Variants in TNRC6B observed in about 807,000 individuals in gnomAD.
TNRC6B encodes trinucleotide repeat containing adaptor 6B.
In TNRC6B, 52 loss-of-function variants were observed where a neutral mutation model predicts 203.6. The observed-to-expected ratio is 0.26, with a 90% CI of 0.20 to 0.32. The LOEUF is 0.32. Among genes scored for constraint, TNRC6B ranks in the 10% least tolerant of loss-of-function variants. The pLI, the probability that TNRC6B is intolerant of heterozygous loss-of-function variation, is 1.00. For missense variants in TNRC6B, 1,923 were observed against 2,286.2 expected (o/e 0.84, Z 3.24); for synonymous variants, 838 against 845.7 (o/e 0.99, Z 0.16).
chr22:40,228,048 G>A (rs1458904029), intron 1 of TNRC6B, among the ~76,000 whole-genome samples: 2 of 152,212 alleles, frequency 1.3e-5, no homozygotes, highest in East Asian at 3.8e-4. Flanking sequence ...GTCAAGTGCT[G>A]ACGGTAGAGT....
intron 1 of TNRC6B, chr22:40,106,942 C>T: frequency 9.0e-7 from 1 of 1,112,082 alleles, no homozygotes; most frequent in Non-Finnish European, 1.4e-6. Context: ...CCCTTTGAAG[C>T]ATCTTTTGGG....
intron 1 of TNRC6B, among the ~76,000 whole-genome samples, chr22:40,077,582 G>C (rs1044791583): frequency 1.3e-5 from 2 of 152,052 alleles, no homozygotes; most frequent in African/African-American, 4.8e-5. Context: ...TGGGCTACAA[G>C]CAGTTTTTCA....
At chr22:40,208,786 A>T (rs570637619) in intron 1 of TNRC6B, among the ~76,000 whole-genome samples, 1 of 152,356 alleles carries the variant, frequency 6.6e-6, no homozygotes, top group African/African-American at 2.4e-5. Context: ...AAATAACACA[A>T]ATGTCATCTC....
At chr22:40,211,935 C>G (rs967028776) in intron 1 of TNRC6B, among the ~76,000 whole-genome samples, 1 of 152,178 alleles carries the variant, frequency 6.6e-6, no homozygotes, top group Non-Finnish European at 1.5e-5. Context: ...TCTTTCCTTT[C>G]GTCTGTCTCT....
rs373643777 is a variant in TNRC6B at position 40,277,242 on chromosome 22, A to G, written c.3216+91A>G. ...TTAAGACAACTGCCACATATAGTAC[A>G]AAATTAAAGATTTAAAAACTAGTTA... On this transcript the variant is annotated intron_variant, in intron 8 of 22. Coordinates refer to ENST00000454349, the MANE Select transcript of TNRC6B (RefSeq NM_001162501.2). The G allele has an allele frequency of 1.8e-5, 16 of 880,244 alleles. No individual in the cohort carries two copies. In the East Asian group the frequency reaches 2.3e-4, roughly 13 times the overall value. The allele number at this position is 880,244 out of a possible 1,614,324, so 54.5% of individuals were successfully genotyped here. A position where few individuals can be genotyped will look rare whatever the true frequency, so the allele number is the denominator to read the frequency against.
At chr22:40,196,931 T>C (rs992413160) in intron 1 of TNRC6B, among the ~76,000 whole-genome samples, 1 of 152,082 alleles carries the variant, frequency 6.6e-6, no homozygotes, top group Non-Finnish European at 1.5e-5. Context: ...ATGTGGAGGA[T>C]GGTTTTATCT....
intron 1 of TNRC6B, among the ~76,000 whole-genome samples, chr22:40,089,132 C>T (rs1569256365): frequency 6.6e-6 from 1 of 152,050 alleles, no homozygotes; most frequent in Non-Finnish European, 1.5e-5. Flanking sequence ...TTATAATTTC[C>T]ACTGTTTTGA....
chr22:40,199,686 C>T (rs931479259), intron 1 of TNRC6B, among the ~76,000 whole-genome samples: 35 of 152,040 alleles, frequency 2.3e-4, no homozygotes, highest in African/African-American at 3.9e-4. Context: ...GGACAGGTGA[C>T]GAAGCTTACA....
chr22:40,300,453 A>G lies in TNRC6B; in HGVS notation c.3709-2A>G. 1 of 1,544,556 alleles carries G rather than the reference A, an allele frequency of 6.5e-7. No homozygotes were observed. The highest frequency in any genetic ancestry group is 8.7e-7 in the Non-Finnish European group (1 of 1,154,014). On this transcript the variant is annotated splice_acceptor_variant, in intron 12 of 22. Transcript: ENST00000454349. LOFTEE classifies it high-confidence loss of function. ...TTCTTTCTTTTTTATTTTTTTGGCT[A>G]GGTTTCTGCCTCAATGCTCAAGCAG...
rs185990652 is a variant in TNRC6B at position 40,275,350 on chromosome 22, C to G, written c.3142-1727C>G. On this transcript the variant is annotated intron_variant, in intron 7 of 22. Coordinates refer to ENST00000454349, the MANE Select transcript of TNRC6B (RefSeq NM_001162501.2). Reference sequence around the variant, plus strand: ...GATTGAAAGGGACTAATAAATACCTCTCTAGGTTGACAACCAAGATTTAAT... The same window carrying G: ...GATTGAAAGGGACTAATAAATACCTGTCTAGGTTGACAACCAAGATTTAAT... Among the ~76,000 whole-genome samples the G allele has an allele frequency of 1.4e-3, 206 of 152,302 alleles. 1 individual carries two copies. The highest frequency in any genetic ancestry group is 4.1e-3 in the African/African-American group (169 of 41,562).
intron 4 of TNRC6B, among the ~76,000 whole-genome samples, chr22:40,264,200 A>G (rs1410345080): frequency 6.6e-6 from 1 of 152,230 alleles, no homozygotes; most frequent in Non-Finnish European, 1.5e-5. Context: ...GTAGAAGATA[A>G]GACTAGAAAA....
At position 40,177,930 on chromosome 22, in the gene TNRC6B, C is replaced by CAGAGAGGGAGAG; in HGVS notation, c.-199_-188dup. ...CACAAAAAGCTGCTTCCTTTAGAGACAGAGAGGGAGAGAGAGAGCAAGAGG... is the reference window on the plus strand; with the variant it reads ...CACAAAAAGCTGCTTCCTTTAGAGACAGAGAGGGAGAGAGAGAGGGAGAGAGAGAGCAAGAGG... On this transcript the variant is annotated 5_prime_UTR_variant, in exon 1 of 23. Transcript: ENST00000454349. The CAGAGAGGGAGAG allele has an allele frequency of 3.0e-6, 4 of 1,354,458 alleles. No homozygotes were observed. The highest frequency in any genetic ancestry group is 3.8e-6 in the Non-Finnish European group (4 of 1,056,932). 83.9% of individuals were successfully genotyped at this position (1,354,458 alleles called of 1,614,324 possible).
chr22:40,278,259 G>A (rs1338876866), intron 9 of TNRC6B, among the ~76,000 whole-genome samples: 1 of 152,088 alleles, frequency 6.6e-6, no homozygotes, highest in African/African-American at 2.4e-5. Context: ...TGTGTGCCGG[G>A]TATAAGAACC....
chr22:40,063,922 C>T (rs1202623480), intron 1 of TNRC6B, among the ~76,000 whole-genome samples: 2 of 152,100 alleles, frequency 1.3e-5, no homozygotes, highest in African/African-American at 4.8e-5. Flanking sequence ...AGGTTGGTCT[C>T]GAACTCCTGG....
chr22:40,150,364 C>T (rs905311015), intron 3 of TNRC6B, among the ~76,000 whole-genome samples: 11 of 151,986 alleles, frequency 7.2e-5, no homozygotes, highest in African/African-American at 2.4e-4. Flanking sequence ...GGTGACAGAG[C>T]GAGACTCCAT....
intron 2 of TNRC6B, among the ~76,000 whole-genome samples, chr22:40,117,749 A>G (rs2068403230): frequency 6.6e-6 from 1 of 151,560 alleles, no homozygotes; most frequent in South Asian, 2.1e-4. Flanking sequence ...TTCTTGTTGT[A>G]TTTTTCCTGT....
intron 1 of TNRC6B, among the ~76,000 whole-genome samples, chr22:40,238,714 C>T (rs1416431614): frequency 6.6e-6 from 1 of 152,174 alleles, no homozygotes; most frequent in Non-Finnish European, 1.5e-5. Flanking sequence ...AGGTGTTGCC[C>T]TCTCCCCACC....
chr22:40,277,038 AATT>A lies in TNRC6B; in HGVS notation c.3142-35_3142-33del, dbSNP rs767086911. On this transcript the variant is annotated intron_variant, in intron 7 of 22. Coordinates refer to ENST00000454349, the MANE Select transcript of TNRC6B (RefSeq NM_001162501.2). ...TAATAAAACTCAGGAGGCTGAAATA[AATT>A]ATTTGGTTCTGAGGTTCCGTGTTTC... is the stretch of plus-strand genomic sequence containing the variant. 6.6e-6 allele frequency: 10 copies of A among 1,516,966 alleles called. No homozygotes were observed. The South Asian group carries it at 1.3e-4, about 20-fold the overall frequency. The allele number at this position is 1,516,966 out of a possible 1,614,324, so 94.0% of individuals were successfully genotyped here.
chr22:40,279,858 C>A, intron 9 of TNRC6B, 137 bp from the exon 10 acceptor site: 1 of 665,294 alleles, frequency 1.5e-6, no homozygotes, highest in African/African-American at 1.8e-5. Flanking sequence ...GAGAGTTTGT[C>A]TCGTCTTATC....
Sources: allele counts gnomAD v4.1 joint callset (sites outside exome capture counted in the v4.1 genomes callset), GRCh38; gene constraint gnomAD v4.1.1; transcripts MANE v1.5; gene names NCBI Gene and HGNC (gene_info 2026-07-23, HGNC 2026-07-21).